The following DENND2A variants were observed in gnomAD, a reference collection of about 807,000 sequenced individuals.
The protein encoded by DENND2A is DENN domain containing 2A.
A neutral mutation model predicts 105.3 loss-of-function variants in DENND2A; 53 were observed. The observed-to-expected ratio is 0.50, with a 90% CI of 0.40 to 0.63. The LOEUF is 0.63. Ranked by LOEUF, DENND2A falls within the 30% of genes least tolerant of loss-of-function variation. DENND2A has a pLI of 0.00. For missense variants in DENND2A, 1,138 were observed against 1,279.6 expected, an observed-to-expected ratio of 0.89 and a Z score of 1.69; for synonymous variants, 522 against 508.4, an observed-to-expected ratio of 1.03 and a Z score of -0.36.
At chr7:140,597,988 A>G (rs1398157822) in intron 3 of DENND2A, among the ~76,000 whole-genome samples, 1 of 151,706 alleles carries the variant, frequency 6.6e-6, no homozygotes, top group Non-Finnish European at 1.5e-5. Flanking sequence ...TAGTAAAGAT[A>G]GTGCAATCAT....
intron 5 of DENND2A, among the ~76,000 whole-genome samples, chr7:140,579,216 C>G (rs1798432897): frequency 6.6e-6 from 1 of 151,772 alleles, no homozygotes; most frequent in South Asian, 2.1e-4. Flanking sequence ...TTGCTTGAAT[C>G]CCGGAGGCGG....
At chr7:140,554,205 A>G (rs1797267467) in intron 12 of DENND2A, among the ~76,000 whole-genome samples, 1 of 151,004 alleles carries the variant, frequency 6.6e-6, no homozygotes, top group African/African-American at 2.4e-5. Flanking sequence ...CAGCCTGGCG[A>G]CAGAACGAGA....
At chr7:140,615,532 C>CT (rs57498403) in intron 1 of DENND2A, among the ~76,000 whole-genome samples, 13,968 of 140,840 alleles carry the variant, frequency 0.099, 1,536 homozygotes, top group African/African-American at 0.28. Flanking sequence ...AGGAGTTCTG[C>CT]TTTTTTTTTT....
rs1026107952 is a variant in DENND2A, at chr7:140,523,150, T to C, written c.2665+157A>G. 6.6e-6 allele frequency among the ~76,000 whole-genome samples: 1 copy of C among 152,192 alleles called. No individual in the cohort carries two copies. Among genetic ancestry groups the C allele is most frequent in the Non-Finnish European group, 1.5e-5 (1 of 68,038 alleles). ...TGGGAAAATCTTTCCCACAATTCAC[T>C]GTGGGAATGAAATCCAGATAAACAG... On this transcript the variant is annotated intron_variant, in intron 17 of 19. Transcript: ENST00000496613. The surrounding 1 kb of genome is among the most constrained non-coding windows in gnomAD (Gnocchi z 4.5).
At chr7:140,635,221 C>T (rs1212760396) in intron 1 of DENND2A, among the ~76,000 whole-genome samples, 1 of 152,006 alleles carries the variant, frequency 6.6e-6, no homozygotes, top group Non-Finnish European at 1.5e-5. Context: ...CATCATTACA[C>T]CACTGCACTC....
chr7:140,521,562 T>A (rs1795862006), intron 18 of DENND2A, among the ~76,000 whole-genome samples: 1 of 152,108 alleles, frequency 6.6e-6, no homozygotes, highest in Non-Finnish European at 1.5e-5. Context: ...TAGGCGTGAG[T>A]CACCCACTGT....
intron 14 of DENND2A, among the ~76,000 whole-genome samples, chr7:140,535,831 C>T (rs1796435587): frequency 6.6e-6 from 1 of 152,084 alleles, no homozygotes. Flanking sequence ...ATCCACCTGC[C>T]TCGGCCTCCC....
At chr7:140,550,930 CAAAAAT>C (rs1797106941) in intron 12 of DENND2A, among the ~76,000 whole-genome samples, 1 of 151,588 alleles carries the variant, frequency 6.6e-6, no homozygotes, top group Admixed American at 6.6e-5. Context: ...ATAATATGAA[CAAAAAT>C]AAAAAGAATT....
intron 12 of DENND2A, among the ~76,000 whole-genome samples, chr7:140,553,450 A>G (rs1797222929): frequency 6.6e-6 from 1 of 152,148 alleles, no homozygotes; most frequent in Non-Finnish European, 1.5e-5. Context: ...GGCAGGAGAC[A>G]GATGCATTCC....
chr7:140,559,859 A>C lies in DENND2A; in HGVS notation c.1780-42T>G. Reference sequence around the variant, plus strand: ...GAGAGAAAATTCGAGAACAAATCTCAGCATGGGAAATTGAGGCGGATGATG... The same window carrying C: ...GAGAGAAAATTCGAGAACAAATCTCCGCATGGGAAATTGAGGCGGATGATG... On this transcript the variant is annotated intron_variant, in intron 9 of 19. Coordinates refer to ENST00000496613, the MANE Select transcript of DENND2A (RefSeq NM_015689.5). The surrounding 1 kb of genome is among the most constrained non-coding windows in gnomAD (Gnocchi z 4.1). 4.7e-5 allele frequency: 69 copies of C among 1,460,818 alleles called. No homozygotes were observed. Among genetic ancestry groups the C allele is most frequent in the Non-Finnish European group, 6.0e-5 (63 of 1,042,984 alleles). 90.5% of individuals were successfully genotyped at this position (1,460,818 alleles called of 1,614,324 possible).
At chr7:140,593,533 T>C (rs6947111) in intron 3 of DENND2A, among the ~76,000 whole-genome samples, 10,099 of 152,278 alleles carry the variant, frequency 0.066, 784 homozygotes, top group African/African-American at 0.2. Context: ...GTAAATGAAA[T>C]GCTAACTTAG....
chr7:140,521,827 C>G (rs755007816), intron 18 of DENND2A, 28 bp downstream of exon 18: 1 of 1,610,272 alleles, frequency 6.2e-7, no homozygotes, highest in South Asian at 1.1e-5. Flanking sequence ...CTAGCTGACT[C>G]GGCCCCAACA....
At chr7:140,590,115 C>T (rs1798950518) in intron 3 of DENND2A, among the ~76,000 whole-genome samples, 2 of 152,096 alleles carry the variant, frequency 1.3e-5, no homozygotes, top group African/African-American at 2.4e-5. Context: ...GCAGGCCGGG[C>T]GCGGTGGCTC....
chr7:140,596,351 C>T (rs1010518380), intron 3 of DENND2A, among the ~76,000 whole-genome samples: 1 of 152,222 alleles, frequency 6.6e-6, no homozygotes, highest in East Asian at 1.9e-4. Flanking sequence ...AAACAATGCG[C>T]TCCTTTGAAG....
Position 140,527,197 on chromosome 7 carries a change from C to G in DENND2A, c.2505+121G>C. The G allele has an allele frequency of 8.8e-7, 1 of 1,132,744 alleles. No homozygotes were observed. Among genetic ancestry groups the G allele is most frequent in the Non-Finnish European group, 1.2e-6 (1 of 823,048 alleles). 70.2% of individuals were successfully genotyped at this position (1,132,744 alleles called of 1,614,324 possible). On this transcript the variant is annotated intron_variant, in intron 15 of 19. Transcript: ENST00000496613. The surrounding 1 kb of genome is among the most constrained non-coding windows in gnomAD (Gnocchi z 4.9). ...CATGCCAGACAAAGCCCTGGTGCCC[C>G]CACGCCCTGCTCCCCAACACTGCTG...
At chr7:140,564,298 TACAC>T (rs375771552) in intron 9 of DENND2A, among the ~76,000 whole-genome samples, 19 of 141,236 alleles carry the variant, frequency 1.3e-4, no homozygotes, top group South Asian at 1.1e-3. Flanking sequence ...AAAAAAAAAA[TACAC>T]ACACACACAC....
chr7:140,581,404 C>T (rs923940423), intron 5 of DENND2A, among the ~76,000 whole-genome samples: 28 of 152,226 alleles, frequency 1.8e-4, no homozygotes, highest in Middle Eastern at 3.2e-3. Context: ...GCCTATCCAA[C>T]AGGCCCTTCC....
At chr7:140,624,374 C>CAACA (rs1800425660) in intron 1 of DENND2A, among the ~76,000 whole-genome samples, 1 of 49,830 alleles carries the variant, frequency 2.0e-5, no homozygotes, top group Non-Finnish European at 4.2e-5. Context: ...AACACAACAA[C>CAACA]AACAACAACA....
intron 14 of DENND2A, among the ~76,000 whole-genome samples, chr7:140,531,569 C>T (rs754296297): frequency 3.3e-5 from 5 of 151,844 alleles, no homozygotes; most frequent in Non-Finnish European, 5.9e-5. Context: ...GAGGCTGAGG[C>T]GGGTGGATCA....
Sources: gnomAD v4.1 joint callset for allele counts (sites outside exome capture counted in the v4.1 genomes callset) on GRCh38, gnomAD v4.1.1 for gene constraint, Gnocchi (gnomAD v3.1) non-coding constraint, MANE v1.5 for transcripts, NCBI Gene and HGNC (gene_info 2026-07-23, HGNC 2026-07-21) for gene names.